KAZN: variants seen among roughly 807,000 people sequenced by gnomAD.
The protein encoded by KAZN is kazrin, periplakin interacting protein, also known as kazrin.
KAZN carries 40 observed loss-of-function variants against 87.4 expected under a neutral mutation model. The ratio of observed to expected loss-of-function variants is 0.46; its 90% CI spans 0.36 to 0.60. KAZN has a LOEUF of 0.60. Among genes scored for constraint, KAZN ranks in the 20% least tolerant of loss-of-function variants. The pLI is 0.00. For missense variants in KAZN, 898 were observed against 1,073.9 expected (o/e 0.84, Z 2.29); for synonymous variants, 466 against 458.3 (o/e 1.02, Z -0.22).
intron 2 of KAZN, among the ~76,000 whole-genome samples, chr1:14,400,167 C>T (rs1483816303): frequency 1.3e-5 from 2 of 152,092 alleles, no homozygotes; most frequent in African/African-American, 4.8e-5. Context: ...GTTTAGGGAG[C>T]TCCATTTGTT....
chr1:14,259,311 G>A (rs1557599719), intron 2 of KAZN, among the ~76,000 whole-genome samples: 1 of 152,142 alleles, frequency 6.6e-6, no homozygotes, highest in Non-Finnish European at 1.5e-5. Flanking sequence ...CTTTCTGTAG[G>A]AAGTATATTG....
intron 1 of KAZN, among the ~76,000 whole-genome samples, chr1:13,976,452 A>G (rs1449486654): frequency 6.6e-6 from 1 of 151,942 alleles, no homozygotes; most frequent in Non-Finnish European, 1.5e-5. Flanking sequence ...ATTTCCCTAT[A>G]TATTATTCCC....
chr1:15,092,023 C>T, intron 8 of KAZN, among the ~76,000 whole-genome samples: 1 of 144,394 alleles, frequency 6.9e-6, no homozygotes, highest in African/African-American at 2.6e-5. Context: ...TATTGAATTT[C>T]AGCAGGGTCA....
chr1:15,053,159 T>G (rs1480197119), intron 4 of KAZN, among the ~76,000 whole-genome samples: 1 of 152,084 alleles, frequency 6.6e-6, no homozygotes, highest in Non-Finnish European at 1.5e-5. Flanking sequence ...ACTGGGCAGG[T>G]GGAAGCAAGG....
At chr1:15,067,435 G>A (rs1639295242) in intron 8 of KAZN, 5 of 985,322 alleles carry the variant, frequency 5.1e-6, no homozygotes, top group Non-Finnish European at 6.0e-6. Context: ...GCCAGGGGAC[G>A]GAGGATGTGT....
intron 1 of KAZN, among the ~76,000 whole-genome samples, chr1:14,937,454 C>T (rs1660586486): frequency 1.3e-5 from 2 of 152,200 alleles, no homozygotes; most frequent in Admixed American, 1.3e-4. Context: ...TGTCCACAGT[C>T]TCCTGGCCGT....
intron 1 of KAZN, among the ~76,000 whole-genome samples, chr1:14,804,082 C>T (rs750162266): frequency 5.9e-5 from 9 of 152,232 alleles, no homozygotes; most frequent in Non-Finnish European, 1.2e-4. Context: ...GCTTTGCCCC[C>T]AGGTCTAGCT....
chr1:14,759,736 A>C (rs1644682879), intron 1 of KAZN, among the ~76,000 whole-genome samples: 1 of 152,132 alleles, frequency 6.6e-6, no homozygotes, highest in African/African-American at 2.4e-5. Context: ...TTGGGATCCC[A>C]ACTGCCATTG....
intron 1 of KAZN, among the ~76,000 whole-genome samples, chr1:14,693,447 AG>A (rs1282821743): frequency 6.6e-6 from 1 of 152,178 alleles, no homozygotes; most frequent in Non-Finnish European, 1.5e-5. Flanking sequence ...AAGCTGAGAG[AG>A]GGAAATTCTT....
At chr1:14,409,039 A>G (rs748286062) in intron 2 of KAZN, among the ~76,000 whole-genome samples, 9 of 152,180 alleles carry the variant, frequency 5.9e-5, no homozygotes, top group Admixed American at 3.9e-4. Context: ...TTCAATGCAG[A>G]GCCTTTATTC....
chr1:14,234,980 TC>T (rs1209783604), intron 2 of KAZN, among the ~76,000 whole-genome samples: 4 of 152,230 alleles, frequency 2.6e-5, no homozygotes, highest in African/African-American at 7.2e-5. Flanking sequence ...GTTTGGTAGC[TC>T]CTGAAAATGT....
chr1:14,523,349 CT>C (rs1360086044), intron 2 of KAZN, among the ~76,000 whole-genome samples: 2 of 152,216 alleles, frequency 1.3e-5, no homozygotes, highest in Admixed American at 6.5e-5. Flanking sequence ...TGATTGTAAG[CT>C]TTGGCAAACC....
At position 14,488,333 on chromosome 1, in the gene KAZN, C is replaced by G. The variant is rs79323879; in HGVS notation, c.250-110650C>G. Among the ~76,000 whole-genome samples, 40 of 152,264 alleles carry G rather than the reference C, an allele frequency of 2.6e-4. 1 individual carries two copies. The highest frequency in any genetic ancestry group is 9.4e-4 in the African/African-American group (39 of 41,554). ...GACAGGAGGATGCTGAAAAAGAGAA[C>G]GGTGACCTCTCATCGTCGCTAAGGT... On this transcript the variant is annotated intron_variant, in intron 2 of 16. Transcript: ENST00000636203.
At chr1:14,648,998 C>T (rs543142636) in intron 1 of KAZN, among the ~76,000 whole-genome samples, 1 of 152,300 alleles carries the variant, frequency 6.6e-6, no homozygotes, top group African/African-American at 2.4e-5. Context: ...CAGCTCTGTC[C>T]ACATATTTGG....
intron 2 of KAZN, among the ~76,000 whole-genome samples, chr1:14,194,829 G>A (rs1442574756): frequency 2.0e-5 from 3 of 152,138 alleles, no homozygotes; most frequent in Non-Finnish European, 4.4e-5. Flanking sequence ...TGAATCTGGA[G>A]TAGTTTGTAT....
chr1:14,469,726 T>G (rs1368904203), intron 2 of KAZN, among the ~76,000 whole-genome samples: 1 of 152,190 alleles, frequency 6.6e-6, no homozygotes, highest in African/African-American at 2.4e-5. Context: ...AACAGGCTTT[T>G]CTGGAAAAGA....
At chr1:13,901,343 AATGTGGATCAT>A (rs1190904778) in intron 1 of KAZN, among the ~76,000 whole-genome samples, 6 of 152,244 alleles carry the variant, frequency 3.9e-5, no homozygotes, top group African/African-American at 1.2e-4. Context: ...ACTTAAACAA[AATGTGGATCAT>A]CTGATCCCGG....
intron 2 of KAZN, among the ~76,000 whole-genome samples, chr1:14,976,031 CAAAAAAAAAAAA>C (rs1162988294): frequency 1.2e-5 from 1 of 85,554 alleles, no homozygotes; most frequent in South Asian, 4.7e-4. Flanking sequence ...GACTCCGTCT[CAAAAAAAAAAAA>C]AAAAAAAAAA....
At chr1:14,836,200 C>A (rs1467170061) in intron 1 of KAZN, among the ~76,000 whole-genome samples, 1 of 152,182 alleles carries the variant, frequency 6.6e-6, no homozygotes, top group Non-Finnish European at 1.5e-5. Flanking sequence ...GCTAAAGACT[C>A]CAGGTCCCCT....
Sources: gnomAD v4.1 joint callset for allele counts (sites outside exome capture counted in the v4.1 genomes callset) on GRCh38, gnomAD v4.1.1 for gene constraint, MANE v1.5 for transcripts, NCBI Gene and HGNC (gene_info 2026-07-23, HGNC 2026-07-21) for gene names.